Variants in MYOM2 observed in about 807,000 individuals in gnomAD.
MYOM2 encodes the protein myomesin-2.
Under a neutral mutation model 187.6 loss-of-function variants are expected in MYOM2, and 254 were observed. The ratio of observed to expected loss-of-function variants is 1.35; its 90% CI spans 1.22 to 1.50. MYOM2 has a LOEUF of 1.50. MYOM2 is among the 40% of genes most tolerant of loss of function. The pLI is 0.00. For missense variants in MYOM2, 2,796 were observed against 1,924.0 expected (o/e 1.45, Z -8.48); for synonymous variants, 981 against 753.8 (o/e 1.30, Z -4.94).
chr8:2,063,960 G>C (rs1379317676), intron 6 of MYOM2, among the ~76,000 whole-genome samples: 2 of 152,244 alleles, frequency 1.3e-5, no homozygotes, highest in African/African-American at 2.4e-5. Flanking sequence ...AGTTCTCACA[G>C]CATGAAGCAA....
chr8:2,094,408 C>A (rs1796413010), intron 17 of MYOM2, among the ~76,000 whole-genome samples: 1 of 152,190 alleles, frequency 6.6e-6, no homozygotes, highest in South Asian at 2.1e-4. Context: ...AATCGCAGCA[C>A]TTTTGGAGGC....
Position 2,079,544 on chromosome 8 carries a change from A to G in MYOM2, c.1463-16A>G, listed in dbSNP as rs147192429. 15 of 1,613,874 alleles carry G rather than the reference A, an allele frequency of 9.3e-6. No homozygotes were observed. Among genetic ancestry groups the G allele is most frequent in the Admixed American group, 3.3e-5 (2 of 60,000 alleles). ...ACTTCGCATGTCAAATCGAGTGTCA[A>G]CCTTTCTCTCCGCAGCCGTTCATTT... On this transcript the variant is annotated splice_polypyrimidine_tract_variant and intron_variant, in intron 12 of 36. Coordinates refer to ENST00000262113, the MANE Select transcript of MYOM2 (RefSeq NM_003970.4).
At chr8:2,059,599 C>A (rs1818784705) in intron 6 of MYOM2, among the ~76,000 whole-genome samples, 1 of 152,098 alleles carries the variant, frequency 6.6e-6, no homozygotes, top group Non-Finnish European at 1.5e-5. Context: ...AGAATGATAA[C>A]CTTTATTTTC....
At chr8:2,059,055 G>A in intron 5 of MYOM2, 98 bp from the exon 6 acceptor site, 1 of 948,030 alleles carries the variant, frequency 1.1e-6, no homozygotes, top group African/African-American at 1.6e-5. Context: ...AGGGAAACCT[G>A]CAGAAATGGG....
intron 19 of MYOM2, 89 bp downstream of exon 19, chr8:2,099,072 C>T (rs1210871149): frequency 6.9e-6 from 10 of 1,446,076 alleles, no homozygotes; most frequent in Non-Finnish European, 8.3e-6. Context: ...ACTCGCCAGC[C>T]TTCACAGCGT....
chr8:2,141,065 C>G, intron 33 of MYOM2, 76 bp from the exon 34 acceptor site: 2 of 1,443,040 alleles, frequency 1.4e-6, no homozygotes, highest in African/African-American at 2.8e-5. Context: ...ACCAGATTCA[C>G]TGGTATAATA....
intron 14 of MYOM2, among the ~76,000 whole-genome samples, chr8:2,089,070 T>G (rs990072193): frequency 6.6e-6 from 1 of 151,734 alleles, no homozygotes; most frequent in Non-Finnish European, 1.5e-5. Flanking sequence ...GAGAGAAAAC[T>G]CCTTCAAATA....
chr8:2,073,279 G>A (rs1819298349), intron 9 of MYOM2, 60 bp from the exon 10 acceptor site: 2 of 1,556,062 alleles, frequency 1.3e-6, no homozygotes, highest in Non-Finnish European at 1.7e-6. Flanking sequence ...TGTCCCCGAG[G>A]CTTTCTTTGC....
intron 28 of MYOM2, among the ~76,000 whole-genome samples, chr8:2,119,797 G>C (rs985682426): frequency 6.6e-6 from 1 of 152,128 alleles, no homozygotes; most frequent in Non-Finnish European, 1.5e-5. Flanking sequence ...GTGCTGGCCT[G>C]GAGGGAGATG....
In MYOM2 at chr8:2,102,758, C is replaced by T. The variant is rs768869425; in HGVS notation, c.2711C>T (p.Pro904Leu). The T allele has an allele frequency of 1.2e-6, 2 of 1,613,846 alleles. No homozygotes were observed. Among genetic ancestry groups the T allele is most frequent in the Non-Finnish European group, 1.7e-6 (2 of 1,179,734 alleles). The change falls in exon 21 of 37, where the codon CCT (proline) becomes CTT (leucine). Residue 904 changes from proline to leucine, a missense_variant. Coordinates refer to ENST00000262113, the MANE Select transcript of MYOM2 (RefSeq NM_003970.4). ...GGGAAGCCCTCAGACACGTCGGAGC[C>T]TGTGCTGGTAGAGGCGAGACCAGGT... ...GVGKPSDTSE[P>L]VLVEARPGTK... is the part of the protein sequence containing the mutation.
intron 31 of MYOM2, among the ~76,000 whole-genome samples, chr8:2,125,604 C>CTTTTTTTTTTT (rs35137852): frequency 2.2e-5 from 2 of 89,286 alleles, no homozygotes; most frequent in East Asian, 3.9e-4. Flanking sequence ...ATTATTTTTC[C>CTTTTTTTTTTT]TTTTTTTTTT....
intron 15 of MYOM2, among the ~76,000 whole-genome samples, chr8:2,090,854 C>G (rs1796277910): frequency 6.6e-6 from 1 of 152,118 alleles, no homozygotes; most frequent in African/African-American, 2.4e-5. Flanking sequence ...TGCATTTTCT[C>G]TATCCAATGT....
rs543560076 is a variant in MYOM2 at position 2,095,850 on chromosome 8, G to T, written c.2126-397G>T. On this transcript the variant is annotated intron_variant, in intron 17 of 36. Coordinates refer to ENST00000262113, the MANE Select transcript of MYOM2 (RefSeq NM_003970.4). ...AACTGGAATCGTATCTGTCATCTCTGGCCACAGATGCAGAATAGTTATTCC... is the reference window on the plus strand; with the variant it reads ...AACTGGAATCGTATCTGTCATCTCTTGCCACAGATGCAGAATAGTTATTCC... Among the ~76,000 whole-genome samples, 21 of 152,242 alleles carry T rather than the reference G, an allele frequency of 1.4e-4. No homozygotes were observed. The South Asian group carries it at 2.7e-3, about 20-fold the overall frequency.
At chr8:2,092,762 GTT>G (rs11402605) in intron 16 of MYOM2, among the ~76,000 whole-genome samples, 1 of 151,880 alleles carries the variant, frequency 6.6e-6, no homozygotes. Context: ...TCCAGAACCT[GTT>G]TTTTTTTCCC....
Position 2,145,051 on chromosome 8 carries a change from A to T in MYOM2, c.*70A>T, listed in dbSNP as rs1012516679. 6.5e-7 allele frequency: 1 copy of T among 1,542,160 alleles called. No homozygotes were observed. The highest frequency in any genetic ancestry group is 8.8e-7 in the Non-Finnish European group (1 of 1,134,048). On this transcript the variant is annotated 3_prime_UTR_variant, in exon 37 of 37. Coordinates refer to ENST00000262113, the MANE Select transcript of MYOM2 (RefSeq NM_003970.4). Reference sequence around the variant, plus strand: ...ACAGGAATGCTGTGTGCTTGTTCCAAATGAGCAGCTGGCATCCGAGTGGTG... The same window carrying T: ...ACAGGAATGCTGTGTGCTTGTTCCATATGAGCAGCTGGCATCCGAGTGGTG...
chr8:2,051,048 C>A (rs942992483), intron 2 of MYOM2, among the ~76,000 whole-genome samples, 175 bp downstream of exon 2: 1 of 152,136 alleles, frequency 6.6e-6, no homozygotes, highest in African/African-American at 2.4e-5. Flanking sequence ...CTCTGTGGAG[C>A]TGGCGTAGTG....
intron 20 of MYOM2, among the ~76,000 whole-genome samples, chr8:2,101,591 T>A (rs1007124897): frequency 4.6e-5 from 7 of 152,120 alleles, no homozygotes; most frequent in Admixed American, 2.0e-4. Context: ...GAGCCCTCCT[T>A]CCATTCACAC....
intron 3 of MYOM2, among the ~76,000 whole-genome samples, chr8:2,054,820 A>T (rs966006431): frequency 2.6e-5 from 4 of 152,218 alleles, no homozygotes; most frequent in African/African-American, 9.7e-5. Context: ...CCTGCAGGAC[A>T]TCTGACGCCA....
intron 6 of MYOM2, among the ~76,000 whole-genome samples, chr8:2,066,098 A>T (rs1047140619): frequency 2.0e-5 from 3 of 152,194 alleles, no homozygotes; most frequent in Non-Finnish European, 4.4e-5. Context: ...TCACTGAGGA[A>T]CTGGTCATGA....
Sources: gnomAD v4.1 joint callset for allele counts (sites outside exome capture counted in the v4.1 genomes callset) on GRCh38, gnomAD v4.1.1 for gene constraint, MANE v1.5 for transcripts, NCBI Gene and HGNC (gene_info 2026-07-23, HGNC 2026-07-21) for gene names.